Variants in PLSCR1 observed in about 807,000 individuals in gnomAD.
PLSCR1 encodes the protein PL scramblase 1.
Under a neutral mutation model 37.8 loss-of-function variants are expected in PLSCR1, and 17 were observed. That is an observed-to-expected ratio of 0.45 (90% CI 0.31 to 0.68). PLSCR1 has a LOEUF of 0.68. Among genes scored for constraint, PLSCR1 ranks in the 30% least tolerant of loss-of-function variants. The probability of loss-of-function intolerance (pLI) is 0.06; values close to 1 mark genes in which losing one functional copy is unlikely to be tolerated. For missense variants in PLSCR1, 347 were observed against 380.9 expected (o/e 0.91, Z 0.74); for synonymous variants, 116 against 125.9 (o/e 0.92, Z 0.53).
chr3:146,523,212 A>C (rs1188273953), intron 5 of PLSCR1, among the ~76,000 whole-genome samples: 1 of 152,202 alleles, frequency 6.6e-6, no homozygotes, highest in Non-Finnish European at 1.5e-5. Flanking sequence ...ACAAGTGTGG[A>C]GGGGCAACCC....
chr3:146,528,711 G>A lies in PLSCR1; in HGVS notation c.215C>T (p.Pro72Leu). The change falls in exon 4 of 9, where the codon CCA (proline) becomes CTA (leucine). Residue 72 changes from proline to leucine, a missense_variant. Transcript: ENST00000342435. Reference sequence around the variant, plus strand: ...AGCTCCAACTGGCTGATTATATACTGGCTGATTATACACTGGCTGATTTGG... The same window carrying A: ...AGCTCCAACTGGCTGATTATATACTAGCTGATTATACACTGGCTGATTTGG... ...PVPNQPVYNQ[P>L]VYNQPVGAAG... The A allele has an allele frequency of 6.2e-7, 1 of 1,614,074 alleles. No homozygotes were observed. The highest frequency in any genetic ancestry group is 8.5e-7 in the Non-Finnish European group (1 of 1,179,960).
Position 146,533,457 on chromosome 3 carries a change from G to C in PLSCR1, c.94+13C>G. On this transcript the variant is annotated intron_variant, in intron 3 of 8. Transcript: ENST00000342435. ...ATTAATTTTACTTTTTCTTCTTTCA[G>C]CAACTGCTTTACCTTGGAATGCTGT... The C allele has an allele frequency of 6.6e-7, 1 of 1,510,776 alleles. No individual in the cohort carries two copies. Among genetic ancestry groups the C allele is most frequent in the South Asian group, 1.2e-5 (1 of 83,590 alleles). The allele number at this position is 1,510,776 out of a possible 1,614,324, so 93.6% of individuals were successfully genotyped here.
At chr3:146,517,737 A>C (rs912142966) in intron 7 of PLSCR1, among the ~76,000 whole-genome samples, 9 of 152,280 alleles carry the variant, frequency 5.9e-5, no homozygotes, top group Non-Finnish European at 1.0e-4. Flanking sequence ...AGAGTGGATA[A>C]CTAGTGGGGT....
chr3:146,538,387 A>T (rs1196777967), intron 1 of PLSCR1, among the ~76,000 whole-genome samples: 3 of 152,224 alleles, frequency 2.0e-5, no homozygotes, highest in Non-Finnish European at 4.4e-5. Context: ...AATTTTTTAA[A>T]AATATGCGAA....
At chr3:146,534,288 T>G (rs2044237168) in intron 2 of PLSCR1, among the ~76,000 whole-genome samples, 1 of 152,232 alleles carries the variant, frequency 6.6e-6, no homozygotes, top group African/African-American at 2.4e-5. Flanking sequence ...ACCCTTGAAT[T>G]AGGCTCTGTG....
Position 146,525,770 on chromosome 3 carries a change from A to G in PLSCR1, c.313-123T>C, listed in dbSNP as rs143854262. 1.4e-3 allele frequency: 671 copies of G among 492,918 alleles called. 7 individuals are homozygous for G. Among genetic ancestry groups the G allele is most frequent in the African/African-American group, 0.012 (579 of 49,524 alleles). 30.5% of individuals were successfully genotyped at this position (492,918 alleles called of 1,614,324 possible). On this transcript the variant is annotated intron_variant, in intron 4 of 8. Transcript: ENST00000342435. ...ATGTAACCAATTATCAATATTTAACAGCTTATATTACTTTTTAGTGTAAAA... is the reference window on the plus strand; with the variant it reads ...ATGTAACCAATTATCAATATTTAACGGCTTATATTACTTTTTAGTGTAAAA...
chr3:146,544,280 C>T (rs2044375922), intron 1 of PLSCR1, among the ~76,000 whole-genome samples, 187 bp downstream of exon 1: 1 of 152,210 alleles, frequency 6.6e-6, no homozygotes, highest in Admixed American at 6.5e-5. Flanking sequence ...AGGCCTCTTG[C>T]ATTTCTGGCC....
intron 4 of PLSCR1, 55 bp downstream of exon 4, chr3:146,528,559 G>A: frequency 7.1e-7 from 1 of 1,403,106 alleles, no homozygotes; most frequent in Non-Finnish European, 1.0e-6. Flanking sequence ...ATCTGGTTAA[G>A]CAAGCTGGAA....
chr3:146,525,943 G>T (rs968209574), intron 4 of PLSCR1, among the ~76,000 whole-genome samples: 5 of 151,654 alleles, frequency 3.3e-5, no homozygotes, highest in African/African-American at 1.2e-4. Context: ...CAGCACTTTG[G>T]GAGGCCAAAG....
intron 7 of PLSCR1, among the ~76,000 whole-genome samples, chr3:146,518,333 T>G (rs560960434): frequency 6.7e-6 from 1 of 148,662 alleles, no homozygotes. Context: ...CTGGAGCAGA[T>G]TGAGGTTAAC....
At chr3:146,523,342 G>A (rs1327006394) in intron 5 of PLSCR1, among the ~76,000 whole-genome samples, 1 of 152,172 alleles carries the variant, frequency 6.6e-6, no homozygotes, top group Non-Finnish European at 1.5e-5. Context: ...GCACGGTGGT[G>A]CTAGGTGTAT....
chr3:146,528,975 G>C, intron 3 of PLSCR1, 144 bp from the exon 4 acceptor site: 2 of 637,094 alleles, frequency 3.1e-6, no homozygotes, highest in Non-Finnish European at 5.4e-6. Flanking sequence ...TTCTCTTTCT[G>C]AGATTTTTCA....
At chr3:146,527,320 C>G (rs568729661) in intron 4 of PLSCR1, among the ~76,000 whole-genome samples, 1 of 152,158 alleles carries the variant, frequency 6.6e-6, no homozygotes, top group Admixed American at 6.5e-5. Flanking sequence ...TTTCAAATAG[C>G]TAGAAGAGAG....
At chr3:146,525,730 A>G (rs2044099603) in intron 4 of PLSCR1, 83 bp from the exon 5 acceptor site, 4 of 642,042 alleles carry the variant, frequency 6.2e-6, no homozygotes, top group Non-Finnish European at 1.1e-5. Context: ...TCATGTATTT[A>G]TATTTTTAAA....
intron 1 of PLSCR1, chr3:146,538,064 G>A (rs1355535594): frequency 6.6e-6 from 1 of 152,186 alleles, no homozygotes; most frequent in Admixed American, 6.5e-5. Context: ...ATCAAAAGAT[G>A]TGTTTGTGTT....
chr3:146,542,162 C>T (rs1404100890), intron 1 of PLSCR1, among the ~76,000 whole-genome samples: 2 of 152,216 alleles, frequency 1.3e-5, no homozygotes, highest in Admixed American at 6.5e-5. Flanking sequence ...CCTTATTCCA[C>T]ACAGTCTAGG....
chr3:146,537,247 A>T (rs1163760760), intron 1 of PLSCR1, among the ~76,000 whole-genome samples: 1 of 152,058 alleles, frequency 6.6e-6, no homozygotes, highest in Non-Finnish European at 1.5e-5. Flanking sequence ...CATTCTACTC[A>T]ATATTTCTGC....
At chr3:146,529,218 G>T (rs1338293861) in intron 3 of PLSCR1, among the ~76,000 whole-genome samples, 1 of 152,174 alleles carries the variant, frequency 6.6e-6, no homozygotes, top group African/African-American at 2.4e-5. Flanking sequence ...AGCATTTCTA[G>T]GGCCAAAGTA....
chr3:146,519,191 G>A (rs1387153791), intron 7 of PLSCR1, among the ~76,000 whole-genome samples: 1 of 152,020 alleles, frequency 6.6e-6, no homozygotes, highest in African/African-American at 2.4e-5. Context: ...TGTGAAGATG[G>A]GTTTCAAACC....
Sources: allele counts gnomAD v4.1 joint callset (sites outside exome capture counted in the v4.1 genomes callset), GRCh38; gene constraint gnomAD v4.1.1; transcripts MANE v1.5; gene names NCBI Gene and HGNC (gene_info 2026-07-23, HGNC 2026-07-21).